PPP1R9A: variants seen among roughly 807,000 people sequenced by gnomAD.
PPP1R9A encodes neurabin-1.
PPP1R9A carries 59 observed loss-of-function variants against 141.9 expected under a neutral mutation model. That is an observed-to-expected ratio of 0.42 (90% confidence interval 0.34 to 0.52). The LOEUF is 0.52. PPP1R9A is among the 20% of genes least tolerant of loss of function. The pLI is 0.10. For missense variants in PPP1R9A, 1,444 were observed against 1,611.9 expected, an observed-to-expected ratio of 0.90 and a Z score of 1.78; for synonymous variants, 500 against 569.7, an observed-to-expected ratio of 0.88 and a Z score of 1.74.
chr7:95,102,359 G>A (rs1818902159), intron 2 of PPP1R9A, among the ~76,000 whole-genome samples: 1 of 152,180 alleles, frequency 6.6e-6, no homozygotes, highest in Non-Finnish European at 1.5e-5. Flanking sequence ...ACCATCAAAT[G>A]TAGGTATGAA....
intron 7 of PPP1R9A, among the ~76,000 whole-genome samples, chr7:95,208,296 T>C (rs1392593249): frequency 1.3e-5 from 2 of 152,160 alleles, no homozygotes; most frequent in African/African-American, 2.4e-5. Flanking sequence ...AAAGAGAATA[T>C]AGTGAAGTTG....
chr7:95,140,876 G>A (rs1295897128), intron 4 of PPP1R9A, among the ~76,000 whole-genome samples: 1 of 151,998 alleles, frequency 6.6e-6, no homozygotes. Flanking sequence ...GCCACACCTG[G>A]CTAATTTATT....
chr7:95,065,976 G>T (rs1260026395), intron 2 of PPP1R9A, among the ~76,000 whole-genome samples: 5 of 152,118 alleles, frequency 3.3e-5, no homozygotes, highest in Non-Finnish European at 7.4e-5. Context: ...CTAGGCAAGG[G>T]CACAGTACTC....
At chr7:95,056,386 G>A (rs919391594) in intron 2 of PPP1R9A, among the ~76,000 whole-genome samples, 2 of 152,090 alleles carry the variant, frequency 1.3e-5, no homozygotes, top group South Asian at 2.1e-4. Context: ...CTGGTTTATC[G>A]TCATGCAAAG....
In PPP1R9A at chr7:95,037,762, T is replaced by C. The variant is rs141768337; in HGVS notation, c.1396-73497T>C. The stretch of plus-strand genomic sequence containing the variant: ...TTTAACACTGGATTAATATAAAAAT[T>C]AGATATTGAGTCTCCCAGTTTCAGT... On this transcript the variant is annotated intron_variant, in intron 2 of 19. Coordinates refer to ENST00000433360, the MANE Select transcript of PPP1R9A (RefSeq NM_001166160.2). Among the ~76,000 whole-genome samples, 982 of 152,178 alleles carry C rather than the reference T, an allele frequency of 6.5e-3. 13 individuals carry two copies. Among genetic ancestry groups the C allele is most frequent in the African/African-American group, 0.023 (937 of 41,536 alleles).
intron 2 of PPP1R9A, among the ~76,000 whole-genome samples, chr7:95,092,920 G>A (rs2152348215): frequency 6.6e-6 from 1 of 152,284 alleles, no homozygotes; most frequent in East Asian, 1.9e-4. Flanking sequence ...GTATTAAACT[G>A]TGTTGCTATA....
At chr7:95,150,900 G>A (rs1488989084) in intron 4 of PPP1R9A, among the ~76,000 whole-genome samples, 2 of 152,154 alleles carry the variant, frequency 1.3e-5, no homozygotes, top group African/African-American at 4.8e-5. Flanking sequence ...AAACAAGTAA[G>A]CATATGAGAA....
At chr7:95,009,071 T>G (rs1014337756) in intron 2 of PPP1R9A, among the ~76,000 whole-genome samples, 3 of 152,038 alleles carry the variant, frequency 2.0e-5, no homozygotes, top group East Asian at 3.9e-4. Flanking sequence ...AAACACCGCA[T>G]GTTCTCACTC....
At chr7:95,162,172 A>G (rs1375030827) in intron 5 of PPP1R9A, among the ~76,000 whole-genome samples, 2 of 152,212 alleles carry the variant, frequency 1.3e-5, no homozygotes, top group Non-Finnish European at 2.9e-5. Flanking sequence ...ATAGTATTTT[A>G]GAAAGATACA....
intron 4 of PPP1R9A, among the ~76,000 whole-genome samples, chr7:95,133,629 A>G (rs1825088633): frequency 6.6e-6 from 1 of 150,988 alleles, no homozygotes; most frequent in Non-Finnish European, 1.5e-5. Context: ...ATTGTTCATC[A>G]TTCTTTGAAA....
At chr7:95,074,632 G>T (rs1331282221) in intron 2 of PPP1R9A, among the ~76,000 whole-genome samples, 2 of 151,768 alleles carry the variant, frequency 1.3e-5, no homozygotes, top group Admixed American at 1.3e-4. Context: ...GCGCCACCAC[G>T]CCCAGCTAAT....
At chr7:95,242,292 T>G (rs1418334777) in intron 8 of PPP1R9A, among the ~76,000 whole-genome samples, 1 of 152,140 alleles carries the variant, frequency 6.6e-6, no homozygotes, top group Non-Finnish European at 1.5e-5. Context: ...AGAAAGCACT[T>G]TATAAAGTTC....
chr7:95,275,824 G>A (rs1803070273), intron 16 of PPP1R9A, among the ~76,000 whole-genome samples: 1 of 152,132 alleles, frequency 6.6e-6, no homozygotes, highest in Admixed American at 6.5e-5. Flanking sequence ...GAGCATAATG[G>A]GCGGGAGATG....
At chr7:94,973,931 G>C (rs1799149418) in intron 2 of PPP1R9A, among the ~76,000 whole-genome samples, 2 of 151,912 alleles carry the variant, frequency 1.3e-5, no homozygotes, top group Admixed American at 6.6e-5. Flanking sequence ...TGCCTAGGCT[G>C]GTCTCAGACT....
chr7:95,284,106 T>C lies in PPP1R9A; in HGVS notation c.3385T>C (p.Trp1129Arg). The change falls in exon 17 of 20, where the codon TGG becomes CGG. Residue 1129 changes from tryptophan (W) to arginine (R), a missense_variant. This residue lies in a region of PPP1R9A where 459 missense variants were observed against 513.8 expected (regional missense o/e 0.89). Coordinates refer to ENST00000433360, the MANE Select transcript of PPP1R9A (RefSeq NM_001166160.2). ...STRSPCMPFS[W>R]FNDSRKGSYS... The stretch of plus-strand genomic sequence containing the variant: ...TCGTTCCCCTTGCATGCCTTTCTCA[T>C]GGTTTAATGACAGCCGGAAAGGATC... 2 of 1,593,228 alleles carry C rather than the reference T, an allele frequency of 1.3e-6. No homozygotes were observed. Among genetic ancestry groups the C allele is most frequent in the Non-Finnish European group, 1.7e-6 (2 of 1,174,108 alleles).
intron 2 of PPP1R9A, among the ~76,000 whole-genome samples, chr7:94,979,526 A>G (rs1799840091): frequency 6.6e-6 from 1 of 152,210 alleles, no homozygotes; most frequent in Admixed American, 6.5e-5. Flanking sequence ...ATTTTAGGTT[A>G]TTTCTAGATA....
intron 2 of PPP1R9A, among the ~76,000 whole-genome samples, chr7:94,962,690 A>T (rs1248200195): frequency 6.6e-6 from 1 of 152,146 alleles, no homozygotes; most frequent in Non-Finnish European, 1.5e-5. Context: ...GAAATGATGT[A>T]TGTGTAATCT....
chr7:95,090,990 A>T (rs955107638), intron 2 of PPP1R9A, among the ~76,000 whole-genome samples: 1 of 151,978 alleles, frequency 6.6e-6, no homozygotes, highest in Admixed American at 6.6e-5. Flanking sequence ...GATTTTTAGG[A>T]TACATCTATA....
chr7:94,969,190 A>G (rs1393029754), intron 2 of PPP1R9A, among the ~76,000 whole-genome samples: 1 of 151,942 alleles, frequency 6.6e-6, no homozygotes. Flanking sequence ...CCTTACTGGC[A>G]AAGAGTTGTG....
Sources: gnomAD v4.1 joint callset for allele counts (sites outside exome capture counted in the v4.1 genomes callset) on GRCh38, gnomAD v4.1.1 for gene constraint, gnomAD v4.1.1 regional missense constraint, MANE v1.5 for transcripts, NCBI Gene and HGNC (gene_info 2026-07-23, HGNC 2026-07-21) for gene names.